The following FOCAD variants were observed in gnomAD, a reference collection of about 807,000 sequenced individuals.
FOCAD encodes KIAA1797.
A neutral mutation model predicts 225.6 loss-of-function variants in FOCAD; 198 were observed. The ratio of observed to expected loss-of-function variants is 0.88; its 90% confidence interval spans 0.78 to 0.99. The LOEUF (loss-of-function observed/expected upper bound fraction) is 0.99, where lower values mean the gene tolerates loss of function less well. FOCAD is among the 50% of genes least tolerant of loss of function. The pLI is 0.00. For synonymous variants in FOCAD, 897 were observed against 755.0 expected (o/e 1.19, Z -3.08); for missense variants, 2,713 against 2,123.6 (o/e 1.28, Z -5.46).
chr9:20,976,359 A>C, intron 35 of FOCAD, 61 bp from the exon 36 acceptor site: 1 of 1,528,998 alleles, frequency 6.5e-7, no homozygotes, highest in Non-Finnish European at 9.0e-7. Context: ...AATTGTTGGC[A>C]TTTTCCACTT....
intron 30 of FOCAD, among the ~76,000 whole-genome samples, chr9:20,947,351 C>T (rs912541539): frequency 4.6e-5 from 7 of 152,098 alleles, no homozygotes; most frequent in Admixed American, 6.6e-5. Context: ...TACTAGAACA[C>T]GGATGAACCT....
rs1339479065 is a variant in FOCAD, at chr9:20,865,933, A to T, written c.2063A>T (p.Lys688Ile). The part of the protein sequence containing the change: ...TVNTTEYENF[K>I]VQVLSFLWTH... Reference sequence around the variant, plus strand: ...TGTATGTTAACTTTTCAGAATTTTAAAGTTCAAGTCCTCAGCTTCCTCTGG... The same window carrying T: ...TGTATGTTAACTTTTCAGAATTTTATAGTTCAAGTCCTCAGCTTCCTCTGG... The change falls in exon 17 of 44, where the codon AAA becomes ATA. Residue 688 changes from lysine (K) to isoleucine (I), a missense_variant. Physicochemically the swap from Lys to Ile is moderately radical, Grantham distance 102 (BLOSUM62 -3). Coordinates refer to ENST00000338382, the MANE Select transcript of FOCAD (RefSeq NM_001375567.1). The T allele has an allele frequency of 6.2e-7, 1 of 1,607,204 alleles. No homozygotes were observed. Among genetic ancestry groups the T allele is most frequent in the Admixed American group, 1.7e-5 (1 of 58,874 alleles).
At chr9:20,858,246 G>T (rs1828407177) in intron 15 of FOCAD, among the ~76,000 whole-genome samples, 1 of 151,366 alleles carries the variant, frequency 6.6e-6, no homozygotes. Flanking sequence ...GGGAAACTTT[G>T]TTATGGCTGC....
intron 2 of FOCAD, among the ~76,000 whole-genome samples, chr9:20,669,930 A>G (rs947600969): frequency 6.6e-6 from 1 of 152,254 alleles, no homozygotes; most frequent in Non-Finnish European, 1.5e-5. Flanking sequence ...TGAAGCCCAG[A>G]TTCTGAGATA....
intron 11 of FOCAD, among the ~76,000 whole-genome samples, chr9:20,815,123 GTT>G (rs71334554): frequency 8.2e-5 from 7 of 85,384 alleles, no homozygotes; most frequent in South Asian, 4.0e-4. Context: ...ACTTCTCTTT[GTT>G]TTTTTTTTTT....
rs756700547 is a variant in FOCAD at position 20,764,931 on chromosome 9, C to G, written c.557C>G (p.Ser186Cys). 6 of 1,613,994 alleles carry G rather than the reference C, an allele frequency of 3.7e-6. No individual in the cohort carries two copies. Among genetic ancestry groups the G allele is most frequent in the Non-Finnish European group, 5.1e-6 (6 of 1,180,010 alleles). The change falls in exon 7 of 44, where the codon TCT (serine) becomes TGT (cysteine). Residue 186 changes from serine (S) to cysteine (C), a missense_variant. Coordinates refer to ENST00000338382, the MANE Select transcript of FOCAD (RefSeq NM_001375567.1). Reference sequence around the variant, plus strand: ...CTGTGGTATCTGTATTGTGAACCATCTCAGTTACAAGAATATGCTAAACTC... The same window carrying G: ...CTGTGGTATCTGTATTGTGAACCATGTCAGTTACAAGAATATGCTAAACTC... ...PFLWYLYCEP[S>C]QLQEYAKLRL...
chr9:20,817,275 G>A (rs1823823809), intron 11 of FOCAD, among the ~76,000 whole-genome samples: 1 of 151,954 alleles, frequency 6.6e-6, no homozygotes, highest in African/African-American at 2.4e-5. Flanking sequence ...TATATTTACA[G>A]AGTTTTGTAA....
intron 7 of FOCAD, 29 bp downstream of exon 7, chr9:20,765,102 T>G (rs567596434): frequency 6.4e-7 from 1 of 1,574,366 alleles, no homozygotes; most frequent in Non-Finnish European, 8.7e-7. Context: ...TCCACAAATA[T>G]AGGTCAGCAT....
chr9:20,949,538 C>T (rs984932748), intron 32 of FOCAD, 66 bp from the exon 33 acceptor site: 22 of 997,244 alleles, frequency 2.2e-5, no homozygotes, highest in Middle Eastern at 2.8e-4. Flanking sequence ...GCTCATGCAC[C>T]GGGAATATAA....
At chr9:20,787,281 A>G (rs1169614562) in intron 10 of FOCAD, among the ~76,000 whole-genome samples, 2 of 152,224 alleles carry the variant, frequency 1.3e-5, no homozygotes, top group African/African-American at 4.8e-5. Flanking sequence ...TCTCCGGAAG[A>G]TGACAGCAAT....
intron 2 of FOCAD, among the ~76,000 whole-genome samples, chr9:20,670,575 C>A (rs536074644): frequency 6.6e-6 from 1 of 152,106 alleles, no homozygotes; most frequent in Non-Finnish European, 1.5e-5. Flanking sequence ...TTCATTATCG[C>A]GAGAACAGCA....
chr9:20,722,355 T>G (rs1484391983), intron 4 of FOCAD, among the ~76,000 whole-genome samples: 2 of 152,210 alleles, frequency 1.3e-5, no homozygotes, highest in African/African-American at 4.8e-5. Flanking sequence ...AGCCCTTGTG[T>G]GTGTTCCACA....
At chr9:20,673,272 C>G (rs1822130420) in intron 2 of FOCAD, among the ~76,000 whole-genome samples, 1 of 152,148 alleles carries the variant, frequency 6.6e-6, no homozygotes, top group African/African-American at 2.4e-5. Flanking sequence ...TTTAATTTCT[C>G]TAGGATATAT....
chr9:20,874,474 A>G (rs1830059306), intron 18 of FOCAD: 3 of 499,798 alleles, frequency 6.0e-6, no homozygotes, highest in South Asian at 5.4e-5. Flanking sequence ...CTGAGATTGT[A>G]TCTAATAAGA....
intron 17 of FOCAD, among the ~76,000 whole-genome samples, 156 bp downstream of exon 17, chr9:20,866,132 T>G: frequency 6.6e-6 from 1 of 152,092 alleles, no homozygotes. Flanking sequence ...GTTTTGGTTT[T>G]AAAAATTATG....
At position 20,881,928 on chromosome 9, in the gene FOCAD, G is replaced by A. The variant is rs1830696938; in HGVS notation, c.2375G>A (p.Gly792Glu). The A allele has an allele frequency of 1.9e-6, 3 of 1,613,770 alleles. No individual in the cohort carries two copies. The highest frequency in any genetic ancestry group is 2.5e-6 in the Non-Finnish European group (3 of 1,179,876). ...CAAGAAATGGTGAATATGCCTCGTG[G>A]GATATATCACTCTGCATTAAAAGGA... is the stretch of plus-strand genomic sequence containing the variant. Reference protein sequence around the residue: ...VKQEMVNMPRGIYHSALKGGA... With the variant: ...VKQEMVNMPREIYHSALKGGA... The change falls in exon 20 of 44, where the codon GGG becomes GAG. Residue 792 changes from glycine to glutamate, a missense_variant. Transcript: ENST00000338382.
intron 19 of FOCAD, among the ~76,000 whole-genome samples, chr9:20,881,319 G>C (rs1278029096): frequency 6.6e-6 from 1 of 152,136 alleles, no homozygotes; most frequent in Non-Finnish European, 1.5e-5. Flanking sequence ...AGGAGGTAGG[G>C]TATTAGACAT....
chr9:20,862,091 G>A (rs1330029925), intron 15 of FOCAD, among the ~76,000 whole-genome samples: 1 of 152,038 alleles, frequency 6.6e-6, no homozygotes, highest in Non-Finnish European at 1.5e-5. Context: ...TGAAAAGCTT[G>A]TAAGGTGATT....
At chr9:20,689,521 C>T (rs946291019) in intron 1 of FOCAD, among the ~76,000 whole-genome samples, 1 of 152,082 alleles carries the variant, frequency 6.6e-6, no homozygotes, top group Non-Finnish European at 1.5e-5. Flanking sequence ...GGATGATTAG[C>T]CTTTACTGGT....
Sources: allele counts gnomAD v4.1 joint callset (sites outside exome capture counted in the v4.1 genomes callset), GRCh38; gene constraint gnomAD v4.1.1; transcripts MANE v1.5; gene names NCBI Gene and HGNC (gene_info 2026-07-23, HGNC 2026-07-21).